The following RHOU variants were observed in gnomAD, a reference collection of about 807,000 sequenced individuals.
The protein encoded by RHOU is rho-related GTP-binding protein RhoU.
A neutral mutation model predicts 12.6 loss-of-function variants in RHOU; 8 were observed. That is an observed-to-expected ratio of 0.64 (90% confidence interval 0.37 to 1.15). RHOU has a LOEUF of 1.15. Ranked by LOEUF, RHOU falls within the 50% of genes most tolerant of loss-of-function variation. RHOU has a pLI of 0.01. For missense variants in RHOU, 258 were observed against 347.0 expected, an observed-to-expected ratio of 0.74 and a Z score of 2.04; for synonymous variants, 161 against 147.4, an observed-to-expected ratio of 1.09 and a Z score of -0.67.
At chr1:228,706,869 A>G in the RHOU span, among the ~76,000 whole-genome samples, 3 of 151,850 alleles carry the variant, frequency 2.0e-5, no homozygotes, top group Non-Finnish European at 4.4e-5. Flanking sequence ...TTACTGGTAC[A>G]TGATCAAATC....
chr1:228,711,123 G>C, the RHOU span, among the ~76,000 whole-genome samples: 1 of 151,708 alleles, frequency 6.6e-6, no homozygotes, highest in South Asian at 2.1e-4. Flanking sequence ...ACCTCTTCAA[G>C]GAGAACTAAA....
At chr1:228,707,671 CA>C in the RHOU span, among the ~76,000 whole-genome samples, 6 of 152,098 alleles carry the variant, frequency 3.9e-5, no homozygotes, top group Non-Finnish European at 7.3e-5. Flanking sequence ...TCACCATCAT[CA>C]AAGACCAAAA....
chr1:228,659,936 T>C, the RHOU span, among the ~76,000 whole-genome samples: 6 of 118,164 alleles, frequency 5.1e-5, no homozygotes, highest in Non-Finnish European at 8.6e-5. Flanking sequence ...CTGGGAAACA[T>C]GGTAAAACCT....
the RHOU span, among the ~76,000 whole-genome samples, chr1:228,720,880 G>C: frequency 6.6e-6 from 1 of 152,112 alleles, no homozygotes; most frequent in Admixed American, 6.6e-5. Flanking sequence ...ACCCCTACCA[G>C]ATGTTCCAGG....
the RHOU span, among the ~76,000 whole-genome samples, chr1:228,712,972 T>C: frequency 6.6e-6 from 1 of 151,922 alleles, no homozygotes; most frequent in Non-Finnish European, 1.5e-5. Context: ...TATATATATA[T>C]AAAGGTATCG....
chr1:228,746,109 A>C lies in RHOU; in HGVS notation c.*2369A>C, dbSNP rs1662830263. 6.6e-6 allele frequency: 1 copy of C among 152,262 alleles called. No individual in the cohort carries two copies. Among genetic ancestry groups the C allele is most frequent in the South Asian group, 2.1e-4 (1 of 4,836 alleles). The allele number at this position is 152,262 out of a possible 1,614,324, so 9.4% of individuals were successfully genotyped here. ...AAAAATCTAGTGGGTTGACCTTTAA[A>C]TGCAACAGTTTTTAAAATATATTGC... is the stretch of plus-strand genomic sequence containing the variant. On this transcript the variant is annotated 3_prime_UTR_variant, in exon 3 of 3. Transcript: ENST00000366691.
At chr1:228,646,930 G>T in the RHOU span, among the ~76,000 whole-genome samples, 1 of 152,038 alleles carries the variant, frequency 6.6e-6, no homozygotes, top group Non-Finnish European at 1.5e-5. Context: ...GAGGTGGAGA[G>T]GTAAAGAGAG....
In RHOU at chr1:228,746,322, T is replaced by TAA. The variant is rs968018863; in HGVS notation, c.*2583_*2584dup. ...GCTTGGTATTGCAGAGAAGATTTTA[T>TAA]AAGAATTTTGCTTTAGAGAATGCCA... On this transcript the variant is annotated 3_prime_UTR_variant, in exon 3 of 3. Coordinates refer to ENST00000366691, the MANE Select transcript of RHOU (RefSeq NM_021205.6). 58 of 152,352 alleles carry TAA rather than the reference T, an allele frequency of 3.8e-4. No individual in the cohort carries two copies. Among genetic ancestry groups the TAA allele is most frequent in the African/African-American group, 1.2e-3 (50 of 41,592 alleles). The allele number at this position is 152,352 out of a possible 1,614,324, so 9.4% of individuals were successfully genotyped here. A position where few individuals can be genotyped will look rare whatever the true frequency, so the allele number is the denominator to read the frequency against.
chr1:228,731,901 C>T (rs72751907), upstream of RHOU, among the ~76,000 whole-genome samples: 23,381 of 151,980 alleles, frequency 0.15, 2,071 homozygotes, highest in South Asian at 0.22. Context: ...ACAATGAAGG[C>T]GTTGTACTGT....
the RHOU span, among the ~76,000 whole-genome samples, chr1:228,672,482 G>T: frequency 1.1e-4 from 16 of 152,168 alleles, no homozygotes. Flanking sequence ...TATTTTAAAA[G>T]AAAATTTTAA....
chr1:228,660,724 G>A, the RHOU span, among the ~76,000 whole-genome samples: 1 of 151,580 alleles, frequency 6.6e-6, no homozygotes, highest in Non-Finnish European at 1.5e-5. Context: ...ACCTGAGGTT[G>A]GGAGTTTGAG....
Position 228,735,898 on chromosome 1 carries a change from C to T in RHOU, c.156C>T (p.Cys52=). 3 of 1,549,762 alleles carry T rather than the reference C, an allele frequency of 1.9e-6. No individual in the cohort carries two copies. Among genetic ancestry groups the T allele is most frequent in the Non-Finnish European group, 2.6e-6 (3 of 1,154,174 alleles). The part of the protein sequence containing the change: ...AGGAEGRGVK[C]VLVGDGAVGK... ...GTGCCGAGGGGCGCGGCGTCAAGTG[C>T]GTGCTGGTCGGCGACGGCGCGGTGG... The change falls in exon 1 of 3, where the codon TGC becomes TGT. Residue 52 remains cysteine, a synonymous_variant. Coordinates refer to ENST00000366691, the MANE Select transcript of RHOU (RefSeq NM_021205.6). This position sits in a 1 kb window ranked among gnomAD's most constrained non-coding sequence, Gnocchi z 8.1.
the RHOU span, among the ~76,000 whole-genome samples, chr1:228,716,813 T>C: frequency 6.6e-6 from 1 of 152,114 alleles, no homozygotes; most frequent in African/African-American, 2.4e-5. Context: ...CATCAAAAAA[T>C]ATGTTTTTTT....
chr1:228,660,146 C>T, the RHOU span, among the ~76,000 whole-genome samples: 1 of 151,612 alleles, frequency 6.6e-6, no homozygotes, highest in African/African-American at 2.4e-5. Flanking sequence ...AGATGAGACC[C>T]TGTCTCAAAT....
the RHOU span, among the ~76,000 whole-genome samples, chr1:228,665,667 A>G: frequency 6.6e-6 from 1 of 152,216 alleles, no homozygotes. Flanking sequence ...TTCTGATGTC[A>G]GAGAGCAGAA....
the RHOU span, among the ~76,000 whole-genome samples, chr1:228,660,588 G>C: frequency 4.4e-4 from 67 of 151,754 alleles, no homozygotes; most frequent in South Asian, 5.0e-3. Flanking sequence ...CCCTAGGACT[G>C]TGAGGTGAAA....
chr1:228,691,576 T>C, the RHOU span, among the ~76,000 whole-genome samples: 5 of 152,200 alleles, frequency 3.3e-5, no homozygotes, highest in Non-Finnish European at 5.9e-5. Context: ...TTGTAGAGGC[T>C]CAATAGCTTA....
At chr1:228,653,362 C>T in the RHOU span, among the ~76,000 whole-genome samples, 1 of 152,124 alleles carries the variant, frequency 6.6e-6, no homozygotes, top group Non-Finnish European at 1.5e-5. Flanking sequence ...TCTTGTTGTC[C>T]AGGCTGGAGT....
At chr1:228,647,554 C>A in the RHOU span, among the ~76,000 whole-genome samples, 1 of 152,192 alleles carries the variant, frequency 6.6e-6, no homozygotes, top group African/African-American at 2.4e-5. Context: ...GTCTGTGGTA[C>A]CCGCTGCCCC....
Sources: allele counts gnomAD v4.1 joint callset (sites outside exome capture counted in the v4.1 genomes callset), GRCh38; gene constraint gnomAD v4.1.1; non-coding constraint Gnocchi (gnomAD v3.1); transcripts MANE v1.5; gene names NCBI Gene and HGNC (gene_info 2026-07-23, HGNC 2026-07-21).